The following HM13 variants were observed in gnomAD, a reference collection of about 807,000 sequenced individuals.
The protein encoded by HM13 is histocompatibility minor 13, also known as signal peptide peptidase.
A neutral mutation model predicts 50.0 loss-of-function variants in HM13; 18 were observed. The ratio of observed to expected loss-of-function variants is 0.36; its 90% CI spans 0.25 to 0.53. The LOEUF is 0.53. Ranked by LOEUF, HM13 falls within the 20% of genes least tolerant of loss-of-function variation. The pLI, the probability that HM13 is intolerant of heterozygous loss-of-function variation, is 0.90. For missense variants in HM13, 393 were observed against 552.4 expected, an observed-to-expected ratio of 0.71 and a Z score of 2.89; for synonymous variants, 197 against 232.6, an observed-to-expected ratio of 0.85 and a Z score of 1.39.
chr20:31,550,169 G>T (rs745838342), intron 7 of HM13, 48 bp downstream of exon 7: 1 of 1,431,082 alleles, frequency 7.0e-7, no homozygotes, highest in Non-Finnish European at 9.9e-7. Context: ...ACCCCTGCCG[G>T]GCCATGCCCC....
intron 10 of HM13, chr20:31,562,704 A>G (rs1331315067): frequency 6.6e-6 from 1 of 152,192 alleles, no homozygotes; most frequent in East Asian, 1.9e-4. Flanking sequence ...TGTGCCAGGC[A>G]CTGTGCTAAA....
At chr20:31,565,311 TC>T (rs1984845395) in intron 10 of HM13, among the ~76,000 whole-genome samples, 1 of 151,198 alleles carries the variant, frequency 6.6e-6, no homozygotes, top group Admixed American at 6.6e-5. Context: ...AAACCCCATC[TC>T]TAGTAAAAAT....
At chr20:31,544,307 G>A (rs1983600993) in intron 3 of HM13, among the ~76,000 whole-genome samples, 2 of 152,356 alleles carry the variant, frequency 1.3e-5, no homozygotes, top group Admixed American at 6.5e-5. Context: ...CTGGCTGGGA[G>A]GTGGGGCATG....
chr20:31,548,963 A>G (rs1983870457), intron 4 of HM13, 66 bp from the exon 5 acceptor site: 2 of 1,376,212 alleles, frequency 1.5e-6, no homozygotes, highest in Middle Eastern at 1.8e-4. Flanking sequence ...TCCTCCGTCC[A>G]GGGGCTGACA....
At chr20:31,557,950 C>T (rs1051503366) in intron 8 of HM13, among the ~76,000 whole-genome samples, 3 of 152,088 alleles carry the variant, frequency 2.0e-5, no homozygotes, top group Admixed American at 6.5e-5. Context: ...TCAGGTGATC[C>T]GCCTGCCTCG....
chr20:31,550,992 G>A (rs1023883625), intron 7 of HM13, among the ~76,000 whole-genome samples: 2 of 151,976 alleles, frequency 1.3e-5, no homozygotes, highest in Admixed American at 1.3e-4. Flanking sequence ...ATTTATATAT[G>A]TATAAATATA....
intron 1 of HM13, among the ~76,000 whole-genome samples, chr20:31,517,224 TC>T: frequency 6.6e-6 from 1 of 151,968 alleles, no homozygotes; most frequent in Non-Finnish European, 1.5e-5. Context: ...TCCCCAAGGG[TC>T]AAGGTGTCCA....
intron 1 of HM13, among the ~76,000 whole-genome samples, chr20:31,521,854 C>CTTTT (rs368753723): frequency 8.3e-6 from 1 of 120,630 alleles, no homozygotes; most frequent in Non-Finnish European, 1.7e-5. Flanking sequence ...GTCTCCCATT[C>CTTTT]TTTTTTTTTT....
chr20:31,541,546 A>T (rs1039477392), intron 3 of HM13: 4 of 152,088 alleles, frequency 2.6e-5, no homozygotes, highest in African/African-American at 9.7e-5. Flanking sequence ...TGCTTACCAT[A>T]TGGGGTTAAA....
In HM13 at chr20:31,525,855, A is replaced by G. The variant is rs75183222; in HGVS notation, c.184-1629A>G. Among the ~76,000 whole-genome samples, 144 of 152,260 alleles carry G rather than the reference A, an allele frequency of 9.5e-4. 1 individual carries two copies. In the East Asian group the frequency reaches 0.027, roughly 28 times the overall value. ...CATTAGAAAGTTCTGGCCAGGTACA[A>G]TGGCTCACACCTATAAGTCCAGCAC... On this transcript the variant is annotated intron_variant, in intron 1 of 12. Coordinates refer to ENST00000398174, the MANE Select transcript of HM13 (RefSeq NM_178581.3).
chr20:31,549,120 T>C lies in HM13; in HGVS notation c.540+6T>C. 6.2e-7 allele frequency: 1 copy of C among 1,613,598 alleles called. No individual in the cohort carries two copies. The highest frequency in any genetic ancestry group is 8.5e-7 in the Non-Finnish European group (1 of 1,179,766). ...TCTGGTACCTGCTGAGGAAGGTGAG[T>C]AGTCAGGACCTGGGCAGAAGGGGAG... On this transcript the variant is annotated splice_donor_region_variant and intron_variant, in intron 5 of 12. Coordinates refer to ENST00000398174, the MANE Select transcript of HM13 (RefSeq NM_178581.3).
At chr20:31,540,567 T>C (rs1330230365) in intron 3 of HM13, 2 of 152,212 alleles carry the variant, frequency 1.3e-5, no homozygotes, top group African/African-American at 2.4e-5. Flanking sequence ...GAAGATCTTA[T>C]CTCTACCCAG....
chr20:31,538,574 C>A, intron 3 of HM13: 1 of 1,302,100 alleles, frequency 7.7e-7, no homozygotes, highest in Non-Finnish European at 9.8e-7. Flanking sequence ...ACCAGTACCA[C>A]CTGCCGGGTG....
intron 1 of HM13, among the ~76,000 whole-genome samples, chr20:31,516,723 C>T (rs944958585): frequency 6.6e-6 from 1 of 152,244 alleles, no homozygotes; most frequent in Admixed American, 6.5e-5. Flanking sequence ...GCCTTAGCCT[C>T]TGAATACCTC....
At chr20:31,544,480 G>A (rs1231305170) in intron 3 of HM13, among the ~76,000 whole-genome samples, 1 of 152,194 alleles carries the variant, frequency 6.6e-6, no homozygotes, top group African/African-American at 2.4e-5. Flanking sequence ...TCCTGCTGTT[G>A]GAAAGCAGAA....
At position 31,514,450 on chromosome 20, in the gene HM13, T is replaced by G; in HGVS notation, c.-102T>G. On this transcript the variant is annotated 5_prime_UTR_variant, in exon 1 of 13. Transcript: ENST00000398174. The surrounding 1 kb of genome is among the most constrained non-coding windows in gnomAD (Gnocchi z 4.3). ...TTGGGAGGGAGCACGTCACTTCCTG[T>G]TGCCTTAGGGGAACGTGGCTTTCCC... 7.5e-7 allele frequency: 1 copy of G among 1,337,984 alleles called. No homozygotes were observed. The highest frequency in any genetic ancestry group is 1.0e-6 in the Non-Finnish European group (1 of 977,692). The allele number at this position is 1,337,984 out of a possible 1,614,324, so 82.9% of individuals were successfully genotyped here.
chr20:31,551,388 G>A (rs1984026327), intron 7 of HM13, among the ~76,000 whole-genome samples: 1 of 152,150 alleles, frequency 6.6e-6, no homozygotes, highest in Non-Finnish European at 1.5e-5. Context: ...TCCCAGCACT[G>A]ACTCCTCACA....
At chr20:31,561,076 C>G (rs1413287889) in intron 9 of HM13, among the ~76,000 whole-genome samples, 1 of 152,222 alleles carries the variant, frequency 6.6e-6, no homozygotes, top group Non-Finnish European at 1.5e-5. Flanking sequence ...TTTATTCATG[C>G]AGCCAGCATC....
chr20:31,538,428 C>T (rs779753124), intron 3 of HM13, 167 bp downstream of exon 3: 9 of 1,460,726 alleles, frequency 6.2e-6, no homozygotes, highest in Middle Eastern at 1.9e-4. Context: ...AGGACAAGAA[C>T]AATGACCTCT....
Sources: gnomAD v4.1 joint callset for allele counts (sites outside exome capture counted in the v4.1 genomes callset) on GRCh38, gnomAD v4.1.1 for gene constraint, Gnocchi (gnomAD v3.1) non-coding constraint, MANE v1.5 for transcripts, NCBI Gene and HGNC (gene_info 2026-07-23, HGNC 2026-07-21) for gene names.